DNM3: variants seen among roughly 807,000 people sequenced by gnomAD.
DNM3 encodes the protein dynamin 3, also known as dynamin-3.
A neutral mutation model predicts 101.6 loss-of-function variants in DNM3; 47 were observed. The ratio of observed to expected loss-of-function variants is 0.46; its 90% CI spans 0.37 to 0.59. DNM3 has a LOEUF of 0.59. Among genes scored for constraint, DNM3 ranks in the 20% least tolerant of loss-of-function variants. The pLI, the probability that DNM3 is intolerant of heterozygous loss-of-function variation, is 0.00. For missense variants in DNM3, 849 were observed against 1,085.7 expected (o/e 0.78, Z 3.06); for synonymous variants, 385 against 387.9 (o/e 0.99, Z 0.09).
At chr1:172,026,101 A>T (rs1027235680) in intron 4 of DNM3, among the ~76,000 whole-genome samples, 2 of 152,172 alleles carry the variant, frequency 1.3e-5, no homozygotes, top group Non-Finnish European at 2.9e-5. Flanking sequence ...ACCAGTTTAG[A>T]GAAGAACATA....
At chr1:171,931,681 T>TC (rs1279592303) in intron 2 of DNM3, among the ~76,000 whole-genome samples, 1 of 152,204 alleles carries the variant, frequency 6.6e-6, no homozygotes, top group Non-Finnish European at 1.5e-5. Flanking sequence ...GTGTGGTAAC[T>TC]ACTACCATCT....
intron 16 of DNM3, among the ~76,000 whole-genome samples, chr1:172,316,408 A>T (rs1466076250): frequency 2.0e-5 from 3 of 152,166 alleles, no homozygotes; most frequent in East Asian, 1.9e-4. Flanking sequence ...TAAATGTAAA[A>T]GGACTAAATA....
intron 9 of DNM3, among the ~76,000 whole-genome samples, chr1:172,047,424 A>G (rs1406010551): frequency 6.6e-6 from 1 of 152,180 alleles, no homozygotes; most frequent in East Asian, 1.9e-4. Context: ...TGGGATTTGA[A>G]TAGGCCAAAA....
At chr1:172,188,592 G>A (rs1469425050) in intron 14 of DNM3, among the ~76,000 whole-genome samples, 1 of 152,014 alleles carries the variant, frequency 6.6e-6, no homozygotes, top group African/African-American at 2.4e-5. Context: ...GGGACATCTT[G>A]GCTGTTTGCA....
At chr1:171,880,981 T>C (rs1279802310) in intron 1 of DNM3, among the ~76,000 whole-genome samples, 1 of 152,170 alleles carries the variant, frequency 6.6e-6, no homozygotes, top group East Asian at 1.9e-4. Flanking sequence ...AATTATTTTG[T>C]GGCTAATTTA....
At chr1:172,245,459 T>C (rs1422894457) in intron 14 of DNM3, among the ~76,000 whole-genome samples, 1 of 152,194 alleles carries the variant, frequency 6.6e-6, no homozygotes, top group East Asian at 1.9e-4. Flanking sequence ...TGAGGAATCC[T>C]GGCAATGGTG....
intron 14 of DNM3, among the ~76,000 whole-genome samples, chr1:172,219,221 G>C (rs1282969526): frequency 6.6e-6 from 1 of 151,518 alleles, no homozygotes; most frequent in Non-Finnish European, 1.5e-5. Context: ...AACTAGCTGG[G>C]CATGGTGGCA....
intron 17 of DNM3, among the ~76,000 whole-genome samples, chr1:172,371,538 G>T (rs987148153): frequency 6.6e-6 from 1 of 151,900 alleles, no homozygotes; most frequent in African/African-American, 2.4e-5. Flanking sequence ...CTGACACTGT[G>T]GTAAGTGCCT....
At chr1:172,154,296 T>G (rs1011192912) in intron 14 of DNM3, among the ~76,000 whole-genome samples, 4 of 151,560 alleles carry the variant, frequency 2.6e-5, no homozygotes, top group Non-Finnish European at 5.9e-5. Context: ...CTAGTTTACA[T>G]TATATAATCT....
At chr1:171,933,522 G>T (rs1461117695) in intron 2 of DNM3, among the ~76,000 whole-genome samples, 1 of 152,188 alleles carries the variant, frequency 6.6e-6, no homozygotes, top group Non-Finnish European at 1.5e-5. Flanking sequence ...AAGCCACGCT[G>T]ATATTTATGT....
intron 13 of DNM3, among the ~76,000 whole-genome samples, chr1:172,116,100 G>C (rs1254139822): frequency 6.6e-6 from 1 of 152,206 alleles, no homozygotes. Flanking sequence ...GGTAGCACTT[G>C]CTATGTAAAT....
At chr1:171,935,196 T>G (rs1350960891) in intron 2 of DNM3, among the ~76,000 whole-genome samples, 1 of 152,110 alleles carries the variant, frequency 6.6e-6, no homozygotes, top group African/African-American at 2.4e-5. Flanking sequence ...TCAGAATTAC[T>G]ATCTAATTTC....
chr1:172,316,704 A>G (rs1373879023), intron 16 of DNM3, among the ~76,000 whole-genome samples: 2 of 152,122 alleles, frequency 1.3e-5, no homozygotes, highest in Admixed American at 1.3e-4. Flanking sequence ...CTAAATATAT[A>G]TGCACCCAAT....
chr1:171,906,760 C>T (rs773055275), intron 1 of DNM3, among the ~76,000 whole-genome samples: 2 of 152,028 alleles, frequency 1.3e-5, no homozygotes, highest in East Asian at 1.9e-4. Context: ...ATAATCATCA[C>T]GAAGGAAAAG....
chr1:171,847,896 C>CTCTGTG (rs1200145388), intron 1 of DNM3, among the ~76,000 whole-genome samples: 199 of 141,236 alleles, frequency 1.4e-3, no homozygotes, highest in African/African-American at 4.6e-3. Flanking sequence ...CTCTCTCTCT[C>CTCTGTG]TGTGTGTGTG....
Position 171,841,734 on chromosome 1 carries a change from C to T in DNM3, c.78C>T (p.Ser26=). Reference sequence around the variant, plus strand: ...ACGCGTTTTCGGCGCTGGGACAGAGCTGCCTGCTGGAGCTGCCGCAGATCG... The same window carrying T: ...ACGCGTTTTCGGCGCTGGGACAGAGTTGCCTGCTGGAGCTGCCGCAGATCG... ...LQDAFSALGQ[S]CLLELPQIAV... is the part of the protein sequence containing the mutation. Residue 26 remains serine, a synonymous_variant, in exon 1 of 21, where the codon AGC becomes AGT. Transcript: ENST00000627582. 1 of 1,610,926 alleles carries T rather than the reference C, an allele frequency of 6.2e-7. No homozygotes were observed. The highest frequency in any genetic ancestry group is 2.2e-5 in the East Asian group (1 of 44,830).
intron 15 of DNM3, among the ~76,000 whole-genome samples, chr1:172,291,398 T>C (rs963863073): frequency 9.2e-5 from 14 of 152,196 alleles, no homozygotes; most frequent in Non-Finnish European, 1.8e-4. Flanking sequence ...AGGGTGGAAG[T>C]TCATGCGGAC....
intron 1 of DNM3, among the ~76,000 whole-genome samples, chr1:171,870,801 A>G (rs1390325979): frequency 6.6e-6 from 1 of 152,216 alleles, no homozygotes; most frequent in Non-Finnish European, 1.5e-5. Flanking sequence ...TGTATTTGTA[A>G]TGTGAAGTCC....
At chr1:171,962,319 T>C (rs911039855) in intron 2 of DNM3, among the ~76,000 whole-genome samples, 7 of 152,260 alleles carry the variant, frequency 4.6e-5, no homozygotes, top group Non-Finnish European at 8.8e-5. Context: ...TCCACCTATA[T>C]GAAATACTGA....
Sources: gnomAD v4.1 joint callset for allele counts (sites outside exome capture counted in the v4.1 genomes callset) on GRCh38, gnomAD v4.1.1 for gene constraint, MANE v1.5 for transcripts, NCBI Gene and HGNC (gene_info 2026-07-23, HGNC 2026-07-21) for gene names.